The following FCGR1A variants were observed in gnomAD, a reference collection of about 807,000 sequenced individuals.
The protein encoded by FCGR1A is high affinity immunoglobulin gamma Fc receptor I.
A neutral mutation model predicts 35.0 loss-of-function variants in FCGR1A; 13 were observed. The ratio of observed to expected loss-of-function variants is 0.37; its 90% CI spans 0.24 to 0.59. The LOEUF (loss-of-function observed/expected upper bound fraction) is 0.59, where lower values mean the gene tolerates loss of function less well. FCGR1A is among the 20% of genes least tolerant of loss of function. The pLI, the probability that FCGR1A is intolerant of heterozygous loss-of-function variation, is 0.71. For synonymous variants in FCGR1A, 91 were observed against 164.7 expected (o/e 0.55, Z 3.43); for missense variants, 227 against 430.0 (o/e 0.53, Z 4.17).
the FCGR1A span, among the ~76,000 whole-genome samples, chr1:149,799,607 A>C: frequency 6.6e-6 from 1 of 152,352 alleles, no homozygotes; most frequent in South Asian, 2.1e-4. Flanking sequence ...GTGCACAATC[A>C]GCAAATCTTA....
downstream of FCGR1A, chr1:149,793,002 T>G (rs1210424030): frequency 5.5e-6 from 7 of 1,273,168 alleles, no homozygotes; most frequent in Non-Finnish European, 7.1e-6. Context: ...GGCGCGTAGC[T>G]GAGTCCCTCC....
At chr1:149,791,729 G>C (rs1313493581), downstream of FCGR1A, 1 of 612,534 alleles carries the variant, frequency 1.6e-6, no homozygotes, top group South Asian at 2.1e-5. Context: ...CTACTCTAAA[G>C]AATTCTTGAA....
downstream of FCGR1A, among the ~76,000 whole-genome samples, chr1:149,793,565 G>A (rs186442935): frequency 5.9e-5 from 9 of 152,130 alleles, no homozygotes; most frequent in East Asian, 1.7e-3. Flanking sequence ...GGGTGGTGGG[G>A]TGGAGGAATC....
intron 3 of FCGR1A, among the ~76,000 whole-genome samples, chr1:149,785,336 T>C (rs1383319012): frequency 6.6e-6 from 1 of 151,036 alleles, no homozygotes; most frequent in African/African-American, 2.4e-5. Context: ...TTGATGTTCC[T>C]CATGTGTCCC....
intron 5 of FCGR1A, 99 bp from the exon 6 acceptor site, chr1:149,791,138 C>A: frequency 6.3e-7 from 1 of 1,588,274 alleles, no homozygotes; most frequent in South Asian, 1.1e-5. Flanking sequence ...TGAGGACAGG[C>A]ACATCAGGTC....
At chr1:149,789,409 A>AATAATAATAATAATAATC (rs1343281751) in intron 4 of FCGR1A, among the ~76,000 whole-genome samples, 1 of 149,612 alleles carries the variant, frequency 6.7e-6, no homozygotes, top group African/African-American at 2.6e-5. Context: ...TAATAATAAT[A>AATAATAATAATAATAATC]ATAATAATAA....
chr1:149,793,750 A>G (rs1238845433), downstream of FCGR1A, among the ~76,000 whole-genome samples: 6 of 151,678 alleles, frequency 4.0e-5, no homozygotes, highest in Non-Finnish European at 5.9e-5. Flanking sequence ...CAGGCTGGGT[A>G]TGGAGACCTC....
At chr1:149,789,288 G>C (rs1212975876) in intron 4 of FCGR1A, among the ~76,000 whole-genome samples, 3 of 152,114 alleles carry the variant, frequency 2.0e-5, no homozygotes, top group Admixed American at 1.3e-4. Context: ...AGCTACTCGG[G>C]AGGCTGAGGC....
chr1:149,785,290 T>C lies in FCGR1A; in HGVS notation c.307+1033T>C, dbSNP rs1240853529. ...GGTTGCTGTTAGAGGAAATGTGTTT[T>C]AGCCAAGGAAATGTTGAGAATGTCT... On this transcript the variant is annotated intron_variant, in intron 3 of 5. Coordinates refer to ENST00000369168, the MANE Select transcript of FCGR1A (RefSeq NM_000566.4). 3.3e-5 allele frequency among the ~76,000 whole-genome samples: 5 copies of C among 152,168 alleles called. No homozygotes were observed. In the South Asian group the frequency reaches 8.3e-4, roughly 25 times the overall value.
downstream of FCGR1A, among the ~76,000 whole-genome samples, chr1:149,793,371 G>A (rs2091761399): frequency 6.6e-6 from 1 of 151,926 alleles, no homozygotes; most frequent in Non-Finnish European, 1.5e-5. Flanking sequence ...GGATCAGCAA[G>A]CCAGCGGGCA....
the FCGR1A span, among the ~76,000 whole-genome samples, chr1:149,799,451 T>C: frequency 8.3e-4 from 127 of 152,310 alleles, 1 homozygote; most frequent in Middle Eastern, 0.014. Context: ...AATCTAAGGA[T>C]GTATGTATGC....
At chr1:149,793,291 C>T (rs1198982332), downstream of FCGR1A, 1 of 1,199,044 alleles carries the variant, frequency 8.3e-7, no homozygotes, top group Non-Finnish European at 1.1e-6. Flanking sequence ...CGCCCGCCTC[C>T]CCGTCCAGCT....
At chr1:149,795,827 C>G (rs671102), downstream of FCGR1A, among the ~76,000 whole-genome samples, 2 of 151,800 alleles carry the variant, frequency 1.3e-5, no homozygotes, top group Non-Finnish European at 2.9e-5. Flanking sequence ...CTGAGCCATG[C>G]GTACCTAAAA....
Position 149,788,370 on chromosome 1 carries a change from G to T in FCGR1A, c.312G>T (p.Trp104Cys). Residue 104 changes from tryptophan (W) to cysteine (C), a missense_variant, in exon 4 of 6, where the codon TGG (tryptophan) becomes TGT (cysteine). Coordinates refer to ENST00000369168, the MANE Select transcript of FCGR1A (RefSeq NM_000566.4). ...DPIQLEIHRG[W>C]LLLQVSSRVF... ...TTTTGGGTTCATATTTTTCAGGCTG[G>T]CTACTACTGCAGGTCTCCAGCAGAG... 6.2e-7 allele frequency: 1 copy of T among 1,612,602 alleles called. No homozygotes were observed. Among genetic ancestry groups the T allele is most frequent in the East Asian group, 2.2e-5 (1 of 44,882 alleles).
At chr1:149,790,693 C>T in intron 5 of FCGR1A, among the ~76,000 whole-genome samples, 1 of 150,364 alleles carries the variant, frequency 6.7e-6, no homozygotes, top group Non-Finnish European at 1.5e-5. Context: ...TGCTTCCCTG[C>T]CTCCCTCCTC....
downstream of FCGR1A, chr1:149,792,747 C>T: frequency 7.8e-7 from 1 of 1,283,950 alleles, no homozygotes. Flanking sequence ...CCGCCAAAAC[C>T]CAGTGAGAAA....
At chr1:149,788,638 T>C (rs2091615041) in intron 4 of FCGR1A, 21 bp downstream of exon 4, 2 of 1,613,798 alleles carry the variant, frequency 1.2e-6, no homozygotes, top group African/African-American at 2.7e-5. Context: ...GGAATAGTCA[T>C]AGAACTGATA....
chr1:149,786,103 T>G (rs1419681373), intron 3 of FCGR1A: 1 of 152,170 alleles, frequency 6.6e-6, no homozygotes, highest in Non-Finnish European at 1.5e-5. Flanking sequence ...TTCAAATATT[T>G]TCTACCATTA....
intron 3 of FCGR1A, chr1:149,786,802 G>A (rs1405052948): frequency 2.0e-5 from 3 of 152,058 alleles, no homozygotes; most frequent in Admixed American, 6.5e-5. Flanking sequence ...ATGTTTTTTG[G>A]AGGGTAGTTT....
Sources: allele counts gnomAD v4.1 joint callset (sites outside exome capture counted in the v4.1 genomes callset), GRCh38; gene constraint gnomAD v4.1.1; transcripts MANE v1.5; gene names NCBI Gene and HGNC (gene_info 2026-07-23, HGNC 2026-07-21).